Variants in VRK1 observed in about 807,000 individuals in gnomAD.
The protein encoded by VRK1 is serine/threonine-protein kinase VRK1.
In VRK1, 33 loss-of-function variants were observed where a neutral mutation model predicts 57.1. That is an observed-to-expected ratio of 0.58 (90% confidence interval 0.44 to 0.77). VRK1 has a LOEUF of 0.77. Among genes scored for constraint, VRK1 ranks in the 30% least tolerant of loss-of-function variants. VRK1 has a pLI of 0.00. For synonymous variants in VRK1, 137 were observed against 147.8 expected (o/e 0.93, Z 0.53); for missense variants, 413 against 477.3 (o/e 0.87, Z 1.25).
At chr14:96,831,296 A>G (rs768922566) in intron 1 of VRK1, among the ~76,000 whole-genome samples, 2 of 152,152 alleles carry the variant, frequency 1.3e-5, no homozygotes, top group African/African-American at 2.4e-5. Flanking sequence ...GAGGTTGTCC[A>G]TAGGTGTTGA....
chr14:96,830,965 G>T (rs942607299), intron 1 of VRK1, among the ~76,000 whole-genome samples: 1 of 152,200 alleles, frequency 6.6e-6, no homozygotes, highest in African/African-American at 2.4e-5. Context: ...AGGGGCTTTG[G>T]CTGGTTAGTT....
At chr14:96,821,486 A>G (rs1015962246) in intron 1 of VRK1, among the ~76,000 whole-genome samples, 1 of 152,172 alleles carries the variant, frequency 6.6e-6, no homozygotes, top group African/African-American at 2.4e-5. Context: ...GTTATTCTAT[A>G]CCCCTCTGTT....
At position 96,845,196 on chromosome 14, in the gene VRK1, T is replaced by C. The variant is rs192512342; in HGVS notation, c.217-899T>C. Among the ~76,000 whole-genome samples the C allele has an allele frequency of 1.9e-3, 156 of 81,682 alleles. 4 individuals are homozygous for C. The East Asian group carries it at 0.027, about 14-fold the overall frequency. 53.6% of individuals were successfully genotyped at this position (81,682 alleles called of 152,430 possible). A position where few individuals can be genotyped will look rare whatever the true frequency, so the allele number is the denominator to read the frequency against. ...ATGTTAGCTTCCTCATTTGAAGTTT[T>C]CACTGCTTTAAAAACTTTTTTTAAT... On this transcript the variant is annotated intron_variant, in intron 3 of 12. Coordinates refer to ENST00000216639, the MANE Select transcript of VRK1 (RefSeq NM_003384.3).
At chr14:96,863,530 C>T (rs1267660382) in intron 11 of VRK1, among the ~76,000 whole-genome samples, 1 of 152,080 alleles carries the variant, frequency 6.6e-6, no homozygotes, top group African/African-American at 2.4e-5. Context: ...TTTTAAGTTG[C>T]CTGCCTAAGT....
At chr14:96,869,614 T>A (rs1189178307) in intron 11 of VRK1, among the ~76,000 whole-genome samples, 1 of 152,216 alleles carries the variant, frequency 6.6e-6, no homozygotes, top group Non-Finnish European at 1.5e-5. Flanking sequence ...ACAGATTTTT[T>A]AAATAAGTAA....
At chr14:96,867,707 T>C (rs1023635823) in intron 11 of VRK1, among the ~76,000 whole-genome samples, 8 of 152,200 alleles carry the variant, frequency 5.3e-5, no homozygotes, top group African/African-American at 1.9e-4. Context: ...CCATGTCTCC[T>C]AACTCTTCGA....
At chr14:96,854,503 A>C (rs1052569302) in intron 7 of VRK1, among the ~76,000 whole-genome samples, 17 of 152,146 alleles carry the variant, frequency 1.1e-4, no homozygotes, top group Admixed American at 1.1e-3. Flanking sequence ...TTAGAGATGT[A>C]ATGTGTGGCT....
intron 3 of VRK1, among the ~76,000 whole-genome samples, chr14:96,838,496 GT>G (rs1315494436): frequency 2.0e-5 from 3 of 152,126 alleles, no homozygotes; most frequent in Non-Finnish European, 4.4e-5. Context: ...TGAAGAATAT[GT>G]TTTGGTTAAA....
chr14:96,815,717 T>C (rs976796080), intron 1 of VRK1, among the ~76,000 whole-genome samples: 4 of 150,742 alleles, frequency 2.7e-5, no homozygotes, highest in African/African-American at 7.4e-5. Flanking sequence ...GACCTCACTC[T>C]ACTAAAAAAA....
At chr14:96,844,782 TC>T (rs1289891905) in intron 3 of VRK1, among the ~76,000 whole-genome samples, 4 of 152,190 alleles carry the variant, frequency 2.6e-5, no homozygotes, top group Non-Finnish European at 5.9e-5. Flanking sequence ...CCTCAAGTGA[TC>T]CGCCCGTCTT....
intron 3 of VRK1, among the ~76,000 whole-genome samples, chr14:96,840,142 G>A (rs1250536551): frequency 2.0e-5 from 3 of 151,988 alleles, no homozygotes; most frequent in Non-Finnish European, 4.4e-5. Context: ...ACTCTGTTTG[G>A]TCTTCCCCCT....
chr14:96,837,370 A>G (rs1265422495), intron 2 of VRK1, among the ~76,000 whole-genome samples: 2 of 152,168 alleles, frequency 1.3e-5, no homozygotes, highest in African/African-American at 4.8e-5. Context: ...TACTCTTCAG[A>G]TGCTCCTCTC....
In VRK1 at chr14:96,853,145, G is replaced by T; in HGVS notation, c.555G>T (p.Leu185=). The T allele has an allele frequency of 6.2e-7, 1 of 1,613,544 alleles. No homozygotes were observed. The highest frequency in any genetic ancestry group is 1.1e-5 in the South Asian group (1 of 91,062). Residue 185 remains leucine, a synonymous_variant, in exon 7 of 13, where the codon CTG becomes CTT. Coordinates refer to ENST00000216639, the MANE Select transcript of VRK1 (RefSeq NM_003384.3). The part of the protein sequence containing the change: ...HGDIKASNLL[L]NYKNPDQVYL... The stretch of plus-strand genomic sequence containing the variant: ...ATATCAAGGCCTCAAATCTTCTTCT[G>T]AACTACAAGAATCCTGACCAGGTAG...
chr14:96,878,840 TGCATATTTTG>T (rs1889139636), intron 12 of VRK1, among the ~76,000 whole-genome samples: 1 of 152,182 alleles, frequency 6.6e-6, no homozygotes. Flanking sequence ...TTAAAAATCA[TGCATATTTTG>T]GCATTTCAAA....
chr14:96,821,969 CTTT>C (rs71103554), intron 1 of VRK1, among the ~76,000 whole-genome samples: 1 of 142,912 alleles, frequency 7.0e-6, no homozygotes. Context: ...GATTCTCTCA[CTTT>C]TTTTTTTTTT....
At chr14:96,848,193 C>G (rs1887790187) in intron 5 of VRK1, among the ~76,000 whole-genome samples, 1 of 152,110 alleles carries the variant, frequency 6.6e-6, no homozygotes, top group Admixed American at 6.5e-5. Flanking sequence ...GTTAGTTCTC[C>G]ATTGTGTGGT....
intron 10 of VRK1, among the ~76,000 whole-genome samples, chr14:96,856,961 C>G (rs1888184737): frequency 6.7e-6 from 1 of 150,250 alleles, no homozygotes; most frequent in African/African-American, 2.4e-5. Context: ...GAGTGAGACT[C>G]CGTCTCAGAA....
chr14:96,862,564 G>A (rs1249442997), intron 11 of VRK1, among the ~76,000 whole-genome samples: 1 of 143,476 alleles, frequency 7.0e-6, no homozygotes, highest in Admixed American at 7.0e-5. Context: ...TTTTTTTCAA[G>A]CTTTTCTTTT....
intron 1 of VRK1, among the ~76,000 whole-genome samples, chr14:96,807,947 C>G (rs1229204127): frequency 1.3e-5 from 2 of 151,978 alleles, no homozygotes; most frequent in African/African-American, 4.8e-5. Context: ...TTCTCTGTCT[C>G]TCTCTCTGTC....
Sources: allele counts gnomAD v4.1 joint callset (sites outside exome capture counted in the v4.1 genomes callset), GRCh38; gene constraint gnomAD v4.1.1; transcripts MANE v1.5; gene names NCBI Gene and HGNC (gene_info 2026-07-23, HGNC 2026-07-21).